RAB3C: variants seen among roughly 807,000 people sequenced by gnomAD.
RAB3C encodes ras-related protein Rab-3C.
Under a neutral mutation model 26.4 loss-of-function variants are expected in RAB3C, and 17 were observed. The observed-to-expected ratio is 0.64, with a 90% CI of 0.44 to 0.97. The LOEUF (loss-of-function observed/expected upper bound fraction) is 0.97, where lower values mean the gene tolerates loss of function less well. RAB3C is among the 50% of genes least tolerant of loss of function. The probability of loss-of-function intolerance (pLI) is 0.00; values close to 1 mark genes in which losing one functional copy is unlikely to be tolerated. For synonymous variants in RAB3C, 91 were observed against 95.9 expected (o/e 0.95, Z 0.30); for missense variants, 242 against 281.9 (o/e 0.86, Z 1.01).
At chr5:58,685,967 G>A (rs975687190) in intron 2 of RAB3C, among the ~76,000 whole-genome samples, 1 of 149,484 alleles carries the variant, frequency 6.7e-6, no homozygotes, top group Admixed American at 6.7e-5. Flanking sequence ...TACTTAATCT[G>A]CAGGAAATAA....
chr5:58,645,455 G>A (rs961178329), intron 2 of RAB3C, among the ~76,000 whole-genome samples: 1 of 152,184 alleles, frequency 6.6e-6, no homozygotes, highest in Non-Finnish European at 1.5e-5. Flanking sequence ...TACTCTTTGA[G>A]TAAGATAATT....
At chr5:58,691,020 G>A (rs1348961990) in intron 2 of RAB3C, among the ~76,000 whole-genome samples, 1 of 151,726 alleles carries the variant, frequency 6.6e-6, no homozygotes, top group African/African-American at 2.4e-5. Flanking sequence ...AGCCACTTTT[G>A]TATGTGCTTA....
intron 4 of RAB3C, among the ~76,000 whole-genome samples, chr5:58,834,787 C>T (rs1743698987): frequency 6.6e-6 from 1 of 152,184 alleles, no homozygotes; most frequent in Admixed American, 6.5e-5. Context: ...TAGGTGTGGT[C>T]ATATCCATGG....
At chr5:58,851,083 A>G (rs921306653) in intron 4 of RAB3C, 81 bp from the exon 5 acceptor site, 28 of 1,349,418 alleles carry the variant, frequency 2.1e-5, no homozygotes, top group Middle Eastern at 2.2e-4. Flanking sequence ...TCACCTCATC[A>G]CTATTGAAAG....
At position 58,705,126 on chromosome 5, in the gene RAB3C, A is replaced by G. The variant is rs562075324; in HGVS notation, c.253-20876A>G. ...AATTTTTTTAACCATCTGGTTATTT[A>G]TGACATCACATTATATGTAACACTA... is the stretch of plus-strand genomic sequence containing the variant. On this transcript the variant is annotated intron_variant, in intron 2 of 4. Transcript: ENST00000282878. Among the ~76,000 whole-genome samples, 43 of 152,288 alleles carry G rather than the reference A, an allele frequency of 2.8e-4. No individual in the cohort carries two copies. In the South Asian group the frequency reaches 8.7e-3, roughly 31 times the overall value.
chr5:58,621,258 C>T (rs776458321), intron 2 of RAB3C, among the ~76,000 whole-genome samples: 1 of 152,176 alleles, frequency 6.6e-6, no homozygotes, highest in Non-Finnish European at 1.5e-5. Flanking sequence ...TCTACCAAGA[C>T]AGGTTTCAGA....
chr5:58,678,861 A>G (rs1330157440), intron 2 of RAB3C, among the ~76,000 whole-genome samples: 3 of 152,204 alleles, frequency 2.0e-5, no homozygotes, highest in Non-Finnish European at 2.9e-5. Flanking sequence ...ATCTTTTACT[A>G]TCTTTGCTGG....
At chr5:58,769,020 G>A (rs1197184410) in intron 3 of RAB3C, among the ~76,000 whole-genome samples, 1 of 152,112 alleles carries the variant, frequency 6.6e-6, no homozygotes, top group South Asian at 2.1e-4. Context: ...CTTGGAAGAA[G>A]GGAGAAGTGG....
At chr5:58,589,134 A>T (rs1445764579) in intron 1 of RAB3C, among the ~76,000 whole-genome samples, 1 of 152,164 alleles carries the variant, frequency 6.6e-6, no homozygotes, top group Admixed American at 6.5e-5. Context: ...TGTTTTTAAC[A>T]TAAGTGGGTG....
At chr5:58,682,104 C>T (rs543519638) in intron 2 of RAB3C, among the ~76,000 whole-genome samples, 7 of 151,994 alleles carry the variant, frequency 4.6e-5, no homozygotes, top group African/African-American at 1.5e-4. Flanking sequence ...AGGTGAGGCA[C>T]GTGAAGTTTC....
intron 2 of RAB3C, among the ~76,000 whole-genome samples, chr5:58,682,882 C>T (rs1373234817): frequency 6.6e-6 from 1 of 152,142 alleles, no homozygotes; most frequent in African/African-American, 2.4e-5. Context: ...ATGTTCCTGA[C>T]AGTTTGCAAG....
Position 58,851,204 on chromosome 5 carries a change from T to A in RAB3C, c.537T>A (p.Asn179Lys), listed in dbSNP as rs1343693259. 1 of 1,612,070 alleles carries A rather than the reference T, an allele frequency of 6.2e-7. No individual in the cohort carries two copies. The highest frequency in any genetic ancestry group is 8.5e-7 in the Non-Finnish European group (1 of 1,179,432). Reference protein sequence around the residue: ...FFETSAKDNINVKQTFERLVD... With the variant: ...FFETSAKDNIKVKQTFERLVD... The stretch of plus-strand genomic sequence containing the variant: ...AAACAAGTGCCAAGGACAACATTAA[T>A]GTCAAGCAGACATTTGAGCGCCTTG... Residue 179 changes from asparagine to lysine, a missense_variant, in exon 5 of 5, where the codon AAT becomes AAA. Physicochemically the swap from Asn to Lys is moderately conservative, Grantham distance 94. Transcript: ENST00000282878.
intron 2 of RAB3C, among the ~76,000 whole-genome samples, chr5:58,688,434 C>G (rs1748492527): frequency 6.6e-6 from 1 of 152,134 alleles, no homozygotes; most frequent in African/African-American, 2.4e-5. Flanking sequence ...GAGTTGACCT[C>G]CATCAGATCT....
intron 2 of RAB3C, among the ~76,000 whole-genome samples, 161 bp from the exon 3 acceptor site, chr5:58,725,841 T>G (rs1448098295): frequency 6.6e-6 from 1 of 151,890 alleles, no homozygotes; most frequent in Non-Finnish European, 1.5e-5. Flanking sequence ...AAAAAATCAT[T>G]TTTAAAAATC....
At chr5:58,618,982 G>T (rs1037981874) in intron 2 of RAB3C, among the ~76,000 whole-genome samples, 1 of 151,930 alleles carries the variant, frequency 6.6e-6, no homozygotes, top group African/African-American at 2.4e-5. Context: ...GCAGAGTAGA[G>T]GATTTTAACT....
At chr5:58,812,054 A>G (rs1362742472) in intron 3 of RAB3C, among the ~76,000 whole-genome samples, 1 of 152,124 alleles carries the variant, frequency 6.6e-6, no homozygotes, top group African/African-American at 2.4e-5. Context: ...ATCATCAACA[A>G]ATAGTAAGGG....
chr5:58,801,167 C>G (rs1456437945), intron 3 of RAB3C, among the ~76,000 whole-genome samples: 1 of 152,108 alleles, frequency 6.6e-6, no homozygotes, highest in East Asian at 1.9e-4. Flanking sequence ...GGACTCTAGA[C>G]AGTTTCTAGC....
At chr5:58,781,001 G>A (rs2112001653) in intron 3 of RAB3C, among the ~76,000 whole-genome samples, 1 of 151,916 alleles carries the variant, frequency 6.6e-6, no homozygotes, top group African/African-American at 2.4e-5. Flanking sequence ...GATCCTCTTT[G>A]CTTCTGTCTA....
At chr5:58,587,557 A>C (rs1255814075) in intron 1 of RAB3C, among the ~76,000 whole-genome samples, 1 of 152,156 alleles carries the variant, frequency 6.6e-6, no homozygotes, top group Non-Finnish European at 1.5e-5. Flanking sequence ...TTCGTTCATT[A>C]GTTTATAGGT....
Sources: allele counts gnomAD v4.1 joint callset (sites outside exome capture counted in the v4.1 genomes callset), GRCh38; gene constraint gnomAD v4.1.1; transcripts MANE v1.5; gene names NCBI Gene and HGNC (gene_info 2026-07-23, HGNC 2026-07-21).